Variants in PLAC1 observed in about 807,000 individuals in gnomAD.
PLAC1 encodes placenta associated 1.
For missense variants in PLAC1, 136 were observed against 163.2 expected (o/e 0.83, Z 0.91); for synonymous variants, 68 against 62.1 (o/e 1.09, Z -0.44).
chrX:134,574,438 AG>A (rs769613332), intron 2 of PLAC1, among the ~76,000 whole-genome samples: 1 of 112,175 alleles, frequency 8.9e-6, no homozygotes, highest in East Asian at 2.8e-4. Flanking sequence ...CTAGTCTACC[AG>A]TTGAAGGCCT....
intron 2 of PLAC1, among the ~76,000 whole-genome samples, chrX:134,584,380 G>A (rs1264811080): frequency 1.8e-5 from 2 of 111,844 alleles, no homozygotes; most frequent in African/African-American, 6.5e-5. Flanking sequence ...AGACCAAGTA[G>A]TAGGGTGCTA....
chrX:134,590,011 T>C (rs113216562), intron 2 of PLAC1, among the ~76,000 whole-genome samples: 7,159 of 93,679 alleles, frequency 0.076, 189 homozygotes, highest in East Asian at 0.093. Flanking sequence ...CTGGCTAACA[T>C]GGTGAAAACC....
intron 1 of PLAC1, among the ~76,000 whole-genome samples, chrX:134,736,867 G>A (rs1053587303): frequency 8.9e-6 from 1 of 112,055 alleles, no homozygotes; most frequent in Non-Finnish European, 1.9e-5. Flanking sequence ...AGAAGCAAGT[G>A]GACACCAGGA....
intron 1 of PLAC1, among the ~76,000 whole-genome samples, chrX:134,761,465 G>A (rs999056408): frequency 1.8e-5 from 2 of 111,959 alleles, no homozygotes; most frequent in African/African-American, 6.5e-5. Flanking sequence ...ACTCTTAAAC[G>A]CTATTGACGA....
intron 2 of PLAC1, among the ~76,000 whole-genome samples, chrX:134,581,772 C>T (rs1489324593): frequency 9.0e-6 from 1 of 111,132 alleles, no homozygotes; most frequent in Non-Finnish European, 1.9e-5. Flanking sequence ...AGCCACCGAG[C>T]CCGGCCCAGT....
chrX:134,704,219 C>T (rs1446258892), intron 2 of PLAC1, among the ~76,000 whole-genome samples: 3 of 109,366 alleles, frequency 2.7e-5, no homozygotes, highest in Non-Finnish European at 5.7e-5. Context: ...ATAGGCTGGG[C>T]GTGGTGGCTT....
Position 134,709,396 on chromosome X carries a change from C to T in PLAC1, n.174+24039G>A, listed in dbSNP as rs145319264. Among the ~76,000 whole-genome samples, 6 of 111,846 alleles carry T rather than the reference C, an allele frequency of 5.4e-5. No homozygotes were observed. In the East Asian group the frequency reaches 1.7e-3, roughly 31 times the overall value. ...ATCTGAGAACTGTGGGAGGCCAAGG[C>T]GGGCGGATCACTTGAGGTCAAGAGT... is the stretch of plus-strand genomic sequence containing the variant. On this transcript the variant is annotated intron_variant and non_coding_transcript_variant, in intron 2 of 2. Transcript: ENST00000466797.
In PLAC1 at chrX:134,657,422, T is replaced by A. The variant is rs181434887; in HGVS notation, c.-131+906A>T. Among the ~76,000 whole-genome samples the A allele has an allele frequency of 2.3e-4, 26 of 112,149 alleles. No homozygotes were observed. The East Asian group carries it at 6.7e-3, about 29-fold the overall frequency. ...TAAAGAAACAGAAGATCAGAGAGGA[T>A]AAGCAACTTGCCCAGTGTCACTCAG... On this transcript the variant is annotated intron_variant, in intron 1 of 2. Transcript: ENST00000359237.
intron 2 of PLAC1, among the ~76,000 whole-genome samples, chrX:134,579,570 C>T (rs1399066193): frequency 2.7e-5 from 3 of 111,328 alleles, no homozygotes; most frequent in Non-Finnish European, 3.8e-5. Context: ...AGCAATTTCC[C>T]ATGCATGACT....
intron 2 of PLAC1, among the ~76,000 whole-genome samples, chrX:134,600,633 AGAGT>A (rs2078084211): frequency 9.0e-6 from 1 of 110,809 alleles, no homozygotes; most frequent in Non-Finnish European, 1.9e-5. Context: ...CATGGGCAAC[AGAGT>A]GAGACCCGAT....
intron 2 of PLAC1, among the ~76,000 whole-genome samples, chrX:134,684,923 C>A (rs181461322): frequency 5.7e-4 from 64 of 112,389 alleles, no homozygotes; most frequent in African/African-American, 2.0e-3. Context: ...ACAAGGTTAT[C>A]CCTGACTTGG....
intron 1 of PLAC1, among the ~76,000 whole-genome samples, chrX:134,637,212 C>T (rs1420386662): frequency 9.0e-6 from 1 of 111,527 alleles, no homozygotes; most frequent in Non-Finnish European, 1.9e-5. Context: ...AGCCGCTGCA[C>T]CCAGGGGTGT....
intron 1 of PLAC1, among the ~76,000 whole-genome samples, chrX:134,746,871 G>A (rs1428414060): frequency 1.8e-5 from 2 of 111,853 alleles, no homozygotes; most frequent in African/African-American, 3.3e-5. Flanking sequence ...TCAGAAGATC[G>A]TATTTTCTAC....
At chrX:134,754,608 G>T (rs1212348025) in intron 1 of PLAC1, among the ~76,000 whole-genome samples, 1 of 110,713 alleles carries the variant, frequency 9.0e-6, no homozygotes, top group African/African-American at 3.3e-5. Context: ...TTGAAAATTA[G>T]ATGTAATAGA....
In PLAC1 at chrX:134,724,836, C is replaced by T. The variant is rs191353602; in HGVS notation, n.174+8599G>A. Among the ~76,000 whole-genome samples the T allele has an allele frequency of 6.3e-5, 7 of 111,193 alleles. No homozygotes were observed. In the East Asian group the frequency reaches 2.0e-3, roughly 32 times the overall value. ...TGGGCAAGATGACGAAACCCCATCT[C>T]TACAAAAAAATACAAAAATTAGCTG... On this transcript the variant is annotated intron_variant and non_coding_transcript_variant, in intron 2 of 2. Transcript: ENST00000466797.
intron 1 of PLAC1, among the ~76,000 whole-genome samples, chrX:134,653,515 G>C: frequency 1.8e-5 from 2 of 111,654 alleles, no homozygotes; most frequent in Non-Finnish European, 3.8e-5. Context: ...GCCATTGTGG[G>C]TCCCTAAAAT....
At chrX:134,637,810 C>T (rs985450411) in intron 1 of PLAC1, among the ~76,000 whole-genome samples, 5 of 111,370 alleles carry the variant, frequency 4.5e-5, no homozygotes, top group Non-Finnish European at 9.4e-5. Flanking sequence ...ATCATACCAC[C>T]GCACTCCAGC....
chrX:134,672,019 G>T (rs983558741), intron 2 of PLAC1, among the ~76,000 whole-genome samples: 2 of 111,478 alleles, frequency 1.8e-5, no homozygotes, highest in African/African-American at 3.3e-5. Context: ...CCCCAGGAGG[G>T]CAGGGAACCC....
intron 2 of PLAC1, among the ~76,000 whole-genome samples, chrX:134,700,986 C>A (rs1374519144): frequency 2.7e-5 from 3 of 111,614 alleles, no homozygotes; most frequent in Non-Finnish European, 5.7e-5. Flanking sequence ...CAAAGCAATC[C>A]TACACAAAAA....
Sources: gnomAD v4.1 joint callset for allele counts (sites outside exome capture counted in the v4.1 genomes callset) on GRCh38, gnomAD v4.1.1 for gene constraint, MANE v1.5 for transcripts, NCBI Gene and HGNC (gene_info 2026-07-23, HGNC 2026-07-21) for gene names.